Variants in TMEM184A observed in about 807,000 individuals in gnomAD.
TMEM184A encodes sexually dimorphic, expressed in male gonads 1.
A neutral mutation model predicts 39.5 loss-of-function variants in TMEM184A; 40 were observed. The observed-to-expected ratio is 1.01, with a 90% CI of 0.79 to 1.32. TMEM184A has a LOEUF of 1.32. TMEM184A is among the 40% of genes most tolerant of loss of function. The probability of loss-of-function intolerance (pLI) is 0.00; values close to 1 mark genes in which losing one functional copy is unlikely to be tolerated. For missense variants in TMEM184A, 603 were observed against 568.8 expected (o/e 1.06, Z -0.61); for synonymous variants, 280 against 252.3 (o/e 1.11, Z -1.04).
chr7:1,542,334 G>T lies in TMEM184A; in HGVS notation c.*4618C>A, dbSNP rs1291959326. On this transcript the variant is annotated 3_prime_UTR_variant, in exon 9 of 9. Coordinates refer to ENST00000297477, the MANE Select transcript of TMEM184A (RefSeq NM_001097620.2). ...TAAATCTATCAGAGCAGAGCCGGGG[G>T]CACGGGCACAGGTGGGAGTTGGGAG... 4 of 152,734 alleles carry T rather than the reference G, an allele frequency of 2.6e-5. No homozygotes were observed. Among genetic ancestry groups the T allele is most frequent in the Admixed American group, 1.3e-4 (2 of 15,308 alleles). 9.5% of individuals were successfully genotyped at this position (152,734 alleles called of 1,614,324 possible). A position where few individuals can be genotyped will look rare whatever the true frequency, so the allele number is the denominator to read the frequency against.
chr7:1,549,490 C>G (rs1784496403), intron 6 of TMEM184A: 2 of 477,398 alleles, frequency 4.2e-6, no homozygotes, highest in Admixed American at 4.7e-5. Context: ...GCCATCACTG[C>G]CTGGCCAGAA....
At chr7:1,552,579 A>G (rs1583223267) in intron 2 of TMEM184A, among the ~76,000 whole-genome samples, 1 of 146,132 alleles carries the variant, frequency 6.8e-6, no homozygotes. Flanking sequence ...TTAGCCTGGG[A>G]ATGGGAACGC....
chr7:1,551,951 A>T (rs184586773), intron 2 of TMEM184A, among the ~76,000 whole-genome samples: 4 of 149,708 alleles, frequency 2.7e-5, no homozygotes, highest in Non-Finnish European at 1.5e-5. Context: ...AAAAAAAAAT[A>T]TTTTTTTGAG....
rs770501074 is a variant in TMEM184A at position 1,547,166 on chromosome 7, A to G, written c.1028T>C (p.Met343Thr). 2 of 1,602,118 alleles carry G rather than the reference A, an allele frequency of 1.2e-6. No individual in the cohort carries two copies. The highest frequency in any genetic ancestry group is 3.3e-5 in the Admixed American group (2 of 59,840). Residue 343 changes from methionine (M) to threonine (T), a missense_variant, in exon 9 of 9, where the codon ATG (methionine) becomes ACG (threonine). Coordinates refer to ENST00000297477, the MANE Select transcript of TMEM184A (RefSeq NM_001097620.2). ...CCTGATGCCGCTGGAGATGCTCTGC[A>G]TGGGTGCCGGGGGGGCTGGGGGAGG... Reference protein sequence around the residue: ...KENSPAPPAPMQSISSGIRET... With the variant: ...KENSPAPPAPTQSISSGIRET...
chr7:1,554,151 C>T (rs988815186), intron 2 of TMEM184A, among the ~76,000 whole-genome samples: 1 of 152,186 alleles, frequency 6.6e-6, no homozygotes, highest in East Asian at 1.9e-4. Context: ...CTCACTGCAA[C>T]CTTGAACTGG....
chr7:1,545,775 G>T lies in TMEM184A; in HGVS notation c.*1177C>A, dbSNP rs1784324438. 1 of 152,524 alleles carries T rather than the reference G, an allele frequency of 6.6e-6. No individual in the cohort carries two copies. The highest frequency in any genetic ancestry group is 1.5e-5 in the Non-Finnish European group (1 of 68,076). The allele number at this position is 152,524 out of a possible 1,614,324, so 9.4% of individuals were successfully genotyped here. ...TCCCTGGGCGGCTACTGTTCTTGCG[G>T]CCGCGATTTCCGAGGCCACTTGCAC... On this transcript the variant is annotated 3_prime_UTR_variant, in exon 9 of 9. Transcript: ENST00000297477.
chr7:1,549,190 G>A (rs1364316717), intron 6 of TMEM184A: 1 of 457,284 alleles, frequency 2.2e-6, no homozygotes, highest in South Asian at 1.5e-5. Flanking sequence ...GGTGGTGTGT[G>A]CACGGTTTGC....
At position 1,546,562 on chromosome 7, in the gene TMEM184A, G is replaced by A. The variant is rs1313442763; in HGVS notation, c.*390C>T. 7 of 181,036 alleles carry A rather than the reference G, an allele frequency of 3.9e-5. No individual in the cohort carries two copies. Among genetic ancestry groups the A allele is most frequent in the Admixed American group, 1.9e-4 (3 of 16,130 alleles). The allele number at this position is 181,036 out of a possible 1,614,324, so 11.2% of individuals were successfully genotyped here. A position where few individuals can be genotyped will look rare whatever the true frequency, so the allele number is the denominator to read the frequency against. ...CCTCCAGCTGCCCAGCCTGGGATCCGTCCGCTGTCTGTCTCCTGAACCAGG... is the reference window on the plus strand; with the variant it reads ...CCTCCAGCTGCCCAGCCTGGGATCCATCCGCTGTCTGTCTCCTGAACCAGG... On this transcript the variant is annotated 3_prime_UTR_variant, in exon 9 of 9. Coordinates refer to ENST00000297477, the MANE Select transcript of TMEM184A (RefSeq NM_001097620.2).
chr7:1,551,724 G>C, intron 2 of TMEM184A, among the ~76,000 whole-genome samples: 1 of 151,988 alleles, frequency 6.6e-6, no homozygotes, highest in East Asian at 2.0e-4. Context: ...ATCATTTGAG[G>C]TCAGGAGTTC....
Position 1,555,515 on chromosome 7 carries a change from G to A in TMEM184A, c.1-31C>T. On this transcript the variant is annotated intron_variant, in intron 1 of 8. Coordinates refer to ENST00000297477, the MANE Select transcript of TMEM184A (RefSeq NM_001097620.2). The surrounding 1 kb of genome is among the most constrained non-coding windows in gnomAD (Gnocchi z 5.2). Reference sequence around the variant, plus strand: ...GAGGGAGGGAGGACACACACCGGGAGGAGTGAGGGCAAAGGTACTGGCTCC... The same window carrying A: ...GAGGGAGGGAGGACACACACCGGGAAGAGTGAGGGCAAAGGTACTGGCTCC... 1 of 1,563,888 alleles carries A rather than the reference G, an allele frequency of 6.4e-7. No homozygotes were observed. The highest frequency in any genetic ancestry group is 8.7e-7 in the Non-Finnish European group (1 of 1,148,064).
intron 4 of TMEM184A, 31 bp downstream of exon 4, chr7:1,550,274 G>A (rs367920285): frequency 5.9e-5 from 95 of 1,610,604 alleles, no homozygotes; most frequent in Non-Finnish European, 7.4e-5. Context: ...CAGGTGTGTG[G>A]GGTGTGGGGG....
chr7:1,548,648 C>A lies in TMEM184A; in HGVS notation c.685G>T (p.Ala229Ser), dbSNP rs149563167. The A allele has an allele frequency of 4.3e-6, 7 of 1,613,852 alleles. No homozygotes were observed. The highest frequency in any genetic ancestry group is 1.7e-5 in the Admixed American group (1 of 60,018). Residue 229 changes from alanine to serine, a missense_variant, in exon 7 of 9, where the codon GCC becomes TCC. Physicochemically the swap from Ala to Ser is moderately conservative, Grantham distance 99. Coordinates refer to ENST00000297477, the MANE Select transcript of TMEM184A (RefSeq NM_001097620.2). ...GYLYVTLIYN[A>S]SVSLALYALF... Reference sequence around the variant, plus strand: ...GCGTAGAGGGCGAGGCTGACGGAGGCGTTGTAGATGAGGGTCACATAGAGG... The same window carrying A: ...GCGTAGAGGGCGAGGCTGACGGAGGAGTTGTAGATGAGGGTCACATAGAGG...
chr7:1,544,526 A>G lies in TMEM184A; in HGVS notation c.*2426T>C, dbSNP rs958415975. On this transcript the variant is annotated 3_prime_UTR_variant, in exon 9 of 9. Coordinates refer to ENST00000297477, the MANE Select transcript of TMEM184A (RefSeq NM_001097620.2). The stretch of plus-strand genomic sequence containing the variant: ...TTTTTAGCAGCGATGACGACACTGG[A>G]ACCACGCTAGTCTCCGTCCCTCCCG... 1.3e-5 allele frequency: 2 copies of G among 152,310 alleles called. No homozygotes were observed. The highest frequency in any genetic ancestry group is 4.8e-5 in the African/African-American group (2 of 41,426). 9.4% of individuals were successfully genotyped at this position (152,310 alleles called of 1,614,324 possible).
intron 6 of TMEM184A, chr7:1,548,954 C>T: frequency 1.6e-6 from 1 of 628,578 alleles, no homozygotes. Context: ...GTCCCAGGAT[C>T]CTGTCCACTG....
intron 2 of TMEM184A, among the ~76,000 whole-genome samples, chr7:1,553,297 C>T (rs1278678395): frequency 7.2e-5 from 11 of 151,906 alleles, no homozygotes; most frequent in Admixed American, 2.0e-4. Context: ...GGATTATAGG[C>T]GCGCACCACC....
Position 1,548,703 on chromosome 7 carries a change from G to C in TMEM184A, c.645-15C>G. ...CGCTGCGGACACTAGGACAGACGGG[G>C]GCTGTGGTCAGGGCGGTCCCATGAC... On this transcript the variant is annotated splice_polypyrimidine_tract_variant and intron_variant, in intron 6 of 8. Transcript: ENST00000297477. 6.2e-7 allele frequency: 1 copy of C among 1,610,472 alleles called. No individual in the cohort carries two copies. Among genetic ancestry groups the C allele is most frequent in the South Asian group, 1.1e-5 (1 of 90,970 alleles).
Position 1,554,075 on chromosome 7 carries a change from G to A in TMEM184A, c.219+1191C>T, listed in dbSNP as rs895157374. On this transcript the variant is annotated intron_variant, in intron 2 of 8. Transcript: ENST00000297477. ...AAGGGCCTGCCTCGGCACTGCCTCCGCGGCTCTGCACACTCCAGGCCACAC... is the reference window on the plus strand; with the variant it reads ...AAGGGCCTGCCTCGGCACTGCCTCCACGGCTCTGCACACTCCAGGCCACAC... 1.3e-4 allele frequency among the ~76,000 whole-genome samples: 20 copies of A among 152,168 alleles called. 1 individual carries two copies. Among genetic ancestry groups the A allele is most frequent in the African/African-American group, 3.6e-4 (15 of 41,490 alleles).
intron 8 of TMEM184A, 116 bp from the exon 9 acceptor site, chr7:1,547,297 C>T (rs1470336281): frequency 6.0e-6 from 4 of 667,954 alleles, no homozygotes; most frequent in South Asian, 1.9e-5. Flanking sequence ...CTGGCCTCGG[C>T]CAGCAGAGGG....
Position 1,546,912 on chromosome 7 carries a change from G to T in TMEM184A, c.*40C>A. On this transcript the variant is annotated 3_prime_UTR_variant, in exon 9 of 9. Coordinates refer to ENST00000297477, the MANE Select transcript of TMEM184A (RefSeq NM_001097620.2). ...GACCCTGTTCTTCCCCAGAGGCCTG[G>T]GCAGCCTGGGTCCCTACAGCACTGG... is the stretch of plus-strand genomic sequence containing the variant. The T allele has an allele frequency of 7.2e-7, 1 of 1,385,316 alleles. No homozygotes were observed. The highest frequency in any genetic ancestry group is 9.6e-7 in the Non-Finnish European group (1 of 1,041,388). 85.8% of individuals were successfully genotyped at this position (1,385,316 alleles called of 1,614,324 possible). A position where few individuals can be genotyped will look rare whatever the true frequency, so the allele number is the denominator to read the frequency against.
Sources: gnomAD v4.1 joint callset for allele counts (sites outside exome capture counted in the v4.1 genomes callset) on GRCh38, gnomAD v4.1.1 for gene constraint, Gnocchi (gnomAD v3.1) non-coding constraint, MANE v1.5 for transcripts, NCBI Gene and HGNC (gene_info 2026-07-23, HGNC 2026-07-21) for gene names.